Variants in COTL1 observed in about 807,000 individuals in gnomAD.
The protein encoded by COTL1 is coactosin like F-actin binding protein 1.
Under a neutral mutation model 16.5 loss-of-function variants are expected in COTL1, and 15 were observed. The observed-to-expected ratio is 0.91, with a 90% CI of 0.61 to 1.40. The LOEUF (loss-of-function observed/expected upper bound fraction) is 1.40, where lower values mean the gene tolerates loss of function less well. Among genes scored for constraint, COTL1 ranks in the 40% most tolerant of loss-of-function variants. The probability of loss-of-function intolerance (pLI) is 0.00; values close to 1 mark genes in which losing one functional copy is unlikely to be tolerated. For missense variants in COTL1, 220 were observed against 201.5 expected, an observed-to-expected ratio of 1.09 and a Z score of -0.56; for synonymous variants, 112 against 85.3, an observed-to-expected ratio of 1.31 and a Z score of -1.73.
intron 3 of COTL1, among the ~76,000 whole-genome samples, chr16:84,588,008 G>A (rs1360276506): frequency 6.6e-6 from 1 of 152,002 alleles, no homozygotes; most frequent in Non-Finnish European, 1.5e-5. Flanking sequence ...CTGACCTTAC[G>A]TGATCCGCCT....
intron 3 of COTL1, among the ~76,000 whole-genome samples, chr16:84,587,244 G>A (rs1904754980): frequency 6.6e-6 from 1 of 152,160 alleles, no homozygotes. Flanking sequence ...AACCAGGAAC[G>A]CTGACTACAT....
intron 2 of COTL1, among the ~76,000 whole-genome samples, chr16:84,603,622 G>A (rs942306960): frequency 6.6e-6 from 1 of 152,114 alleles, no homozygotes; most frequent in Non-Finnish European, 1.5e-5. Flanking sequence ...GCGGCCTTGG[G>A]ACCAACGGTG....
chr16:84,595,889 T>A (rs1904993125), intron 2 of COTL1: 1 of 151,800 alleles, frequency 6.6e-6, no homozygotes, highest in South Asian at 2.1e-4. Context: ...GTATGTGTGT[T>A]ATATATACAT....
At chr16:84,581,585 C>T (rs1198294625) in intron 3 of COTL1, among the ~76,000 whole-genome samples, 1 of 152,194 alleles carries the variant, frequency 6.6e-6, no homozygotes, top group African/African-American at 2.4e-5. Flanking sequence ...CTCACTCCAA[C>T]CTCTTCCTCC....
chr16:84,611,870 C>G (rs1905335741), intron 2 of COTL1, among the ~76,000 whole-genome samples: 1 of 152,202 alleles, frequency 6.6e-6, no homozygotes, highest in Admixed American at 6.5e-5. Flanking sequence ...CATACGTGAT[C>G]TGTAAGCCCT....
At chr16:84,597,009 C>T (rs1166230090) in intron 2 of COTL1, among the ~76,000 whole-genome samples, 1 of 152,092 alleles carries the variant, frequency 6.6e-6, no homozygotes, top group Non-Finnish European at 1.5e-5. Context: ...AGGGCCGCAT[C>T]CTAGCAGGGG....
At position 84,609,955 on chromosome 16, in the gene COTL1, A is replaced by G. The variant is rs140631891; in HGVS notation, c.160+7546T>C. Among the ~76,000 whole-genome samples the G allele has an allele frequency of 1.5e-3, 226 of 152,342 alleles. 1 individual carries two copies. Among genetic ancestry groups the G allele is most frequent in the African/African-American group, 4.4e-3 (183 of 41,574 alleles). ...TATTTCTTCATAGCAGCGTGAGAAG[A>G]GACTAACACACTATCCCTGAATTCC... is the stretch of plus-strand genomic sequence containing the variant. On this transcript the variant is annotated intron_variant, in intron 2 of 3. Coordinates refer to ENST00000262428, the MANE Select transcript of COTL1 (RefSeq NM_021149.5).
At chr16:84,597,491 A>G (rs1905029216) in intron 2 of COTL1, among the ~76,000 whole-genome samples, 1 of 152,148 alleles carries the variant, frequency 6.6e-6, no homozygotes, top group Admixed American at 6.5e-5. Flanking sequence ...CCGGGAACTT[A>G]TTAGAAATGT....
chr16:84,603,656 G>A (rs993651845), intron 2 of COTL1, among the ~76,000 whole-genome samples: 3 of 152,110 alleles, frequency 2.0e-5, no homozygotes, highest in East Asian at 1.9e-4. Flanking sequence ...ACTATGAAGC[G>A]AATGGAGGCA....
chr16:84,572,782 T>G (rs543141168), intron 3 of COTL1, among the ~76,000 whole-genome samples: 1 of 152,160 alleles, frequency 6.6e-6, no homozygotes, highest in South Asian at 2.1e-4. Context: ...TCTCACTCTG[T>G]CACCCACGCT....
At chr16:84,585,316 CT>C (rs546287315) in intron 3 of COTL1, among the ~76,000 whole-genome samples, 1,862 of 145,338 alleles carry the variant, frequency 0.013, 34 homozygotes, top group African/African-American at 0.044. Flanking sequence ...GATTGTGCCA[CT>C]GTACTCCAGA....
intron 3 of COTL1, among the ~76,000 whole-genome samples, chr16:84,583,928 G>A (rs143003425): frequency 4.6e-5 from 7 of 152,188 alleles, no homozygotes; most frequent in South Asian, 4.2e-4. Context: ...CTCCGTGAAC[G>A]TTCATATTAT....
chr16:84,576,473 A>T (rs1157388884), intron 3 of COTL1: 1 of 152,228 alleles, frequency 6.6e-6, no homozygotes, highest in East Asian at 1.9e-4. Flanking sequence ...AACACCTGTC[A>T]TATGCCATAC....
intron 3 of COTL1, among the ~76,000 whole-genome samples, chr16:84,579,165 T>C (rs959737151): frequency 2.0e-5 from 3 of 152,254 alleles, no homozygotes; most frequent in African/African-American, 7.2e-5. Flanking sequence ...ACATATGTTG[T>C]ACTACATCCA....
intron 2 of COTL1, among the ~76,000 whole-genome samples, chr16:84,603,836 G>C (rs1905153087): frequency 6.6e-6 from 1 of 151,960 alleles, no homozygotes; most frequent in African/African-American, 2.4e-5. Flanking sequence ...AAAGTTCTAG[G>C]AGGACATGAA....
At chr16:84,604,683 C>A (rs1426872645) in intron 2 of COTL1, among the ~76,000 whole-genome samples, 1 of 152,142 alleles carries the variant, frequency 6.6e-6, no homozygotes, top group African/African-American at 2.4e-5. Flanking sequence ...ACACAGCCCT[C>A]TCTCTGTCCC....
At position 84,617,877 on chromosome 16, in the gene COTL1, G is replaced by A. The variant is rs559900949; in HGVS notation, c.38C>T (p.Ala13Val). The change falls in exon 1 of 4, where the codon GCG becomes GTG. Residue 13 changes from alanine (A) to valine (V), a missense_variant. Ala to Val is a moderately conservative substitution (Grantham distance 64). Coordinates refer to ENST00000262428, the MANE Select transcript of COTL1 (RefSeq NM_021149.5). ...GCCGTCGTCGCGCACCAGGTTGTAC[G>A]CCGCCCGGCAAGCCTCTTTGTCGAT... is the stretch of plus-strand genomic sequence containing the variant. ...TKIDKEACRA[A>V]YNLVRDDGSA... The A allele has an allele frequency of 3.2e-6, 5 of 1,572,824 alleles. No homozygotes were observed. The South Asian group carries it at 4.6e-5, about 15-fold the overall frequency.
chr16:84,600,291 T>C (rs1369694216), intron 2 of COTL1, among the ~76,000 whole-genome samples: 1 of 151,450 alleles, frequency 6.6e-6, no homozygotes, highest in South Asian at 2.1e-4. Context: ...GTTTATTCCT[T>C]ATAGGGCATG....
chr16:84,591,223 G>A lies in COTL1; in HGVS notation c.161-961C>T, dbSNP rs190362279. ...TTTTGAGACAGAGTCTCGCTCTGTC[G>A]CCCAGGCTGAAGTGCAGTGGCGCGA... On this transcript the variant is annotated intron_variant, in intron 2 of 3. Transcript: ENST00000262428. Among the ~76,000 whole-genome samples the A allele has an allele frequency of 1.3e-3, 194 of 144,206 alleles. 5 individuals carry two copies. In the East Asian group the frequency reaches 0.029, roughly 21 times the overall value. 94.6% of individuals were successfully genotyped at this position (144,206 alleles called of 152,430 possible).
Sources: allele counts gnomAD v4.1 joint callset (sites outside exome capture counted in the v4.1 genomes callset), GRCh38; gene constraint gnomAD v4.1.1; transcripts MANE v1.5; gene names NCBI Gene and HGNC (gene_info 2026-07-23, HGNC 2026-07-21).